Variants in MPC2 observed in about 807,000 individuals in gnomAD.
MPC2 encodes brain protein 44.
In MPC2, 19 loss-of-function variants were observed where a neutral mutation model predicts 19.2. The ratio of observed to expected loss-of-function variants is 0.99; its 90% CI spans 0.69 to 1.45. The LOEUF (loss-of-function observed/expected upper bound fraction) is 1.45. MPC2 is among the 40% of genes most tolerant of loss of function. The pLI is 0.00. For synonymous variants in MPC2, 61 were observed against 54.3 expected, an observed-to-expected ratio of 1.12 and a Z score of -0.54; for missense variants, 122 against 153.0, an observed-to-expected ratio of 0.80 and a Z score of 1.07.
chr1:167,924,879 T>C (rs1412735866), intron 2 of MPC2, among the ~76,000 whole-genome samples: 2 of 152,170 alleles, frequency 1.3e-5, no homozygotes, highest in East Asian at 1.9e-4. Flanking sequence ...TCATCCCAAA[T>C]GAAAATGAAC....
At chr1:167,928,588 T>G (rs1670820291) in intron 2 of MPC2, among the ~76,000 whole-genome samples, 1 of 152,164 alleles carries the variant, frequency 6.6e-6, no homozygotes, top group Non-Finnish European at 1.5e-5. Flanking sequence ...AACATAAAGT[T>G]TTGACAAAAC....
At chr1:167,934,186 AGTAATTACAG>A (rs770666417) in intron 2 of MPC2, among the ~76,000 whole-genome samples, 24 of 152,362 alleles carry the variant, frequency 1.6e-4, no homozygotes, top group Non-Finnish European at 3.1e-4. Context: ...TATTTTAAGC[AGTAATTACAG>A]GTGGCTAAAA....
In MPC2 at chr1:167,920,032, A is replaced by C; in HGVS notation, c.294T>G (p.Ala98=). 6.2e-7 allele frequency: 1 copy of C among 1,613,804 alleles called. No individual in the cohort carries two copies. The highest frequency in any genetic ancestry group is 8.5e-7 in the Non-Finnish European group (1 of 1,179,846). Residue 98 remains alanine, a synonymous_variant, in exon 5 of 6, where the codon GCT becomes GCG. Coordinates refer to ENST00000271373, the MANE Select transcript of MPC2 (RefSeq NM_001143674.4). ...CTGCTGCCCCCACAAAGAAATTAAC[A>C]GCAAACAGACTCCAATTTTTTGGAA... is the stretch of plus-strand genomic sequence containing the variant. ...VIIPKNWSLF[A]VNFFVGAAGA...
At chr1:167,929,809 C>T (rs1276326572) in intron 2 of MPC2, among the ~76,000 whole-genome samples, 1 of 152,180 alleles carries the variant, frequency 6.6e-6, no homozygotes. Context: ...GAGGTATTCA[C>T]TATATCCCTC....
At chr1:167,929,184 C>A (rs1225940606) in intron 2 of MPC2, among the ~76,000 whole-genome samples, 1 of 151,938 alleles carries the variant, frequency 6.6e-6, no homozygotes, top group Admixed American at 6.6e-5. Flanking sequence ...CATGGAGAAA[C>A]CCCATCTCTA....
intron 2 of MPC2, 58 bp downstream of exon 2, chr1:167,935,675 C>A: frequency 2.1e-6 from 3 of 1,426,854 alleles, no homozygotes; most frequent in Non-Finnish European, 2.9e-6. Flanking sequence ...TCTAAAAGGT[C>A]CATTTTAGAG....
chr1:167,936,070 C>T, intron 1 of MPC2, 172 bp from the exon 2 acceptor site: 2 of 572,878 alleles, frequency 3.5e-6, no homozygotes, highest in Non-Finnish European at 3.2e-6. Context: ...CCCCGGTCCG[C>T]CTCCGGCCCC....
intron 2 of MPC2, among the ~76,000 whole-genome samples, chr1:167,929,709 G>T (rs575516154): frequency 6.6e-6 from 1 of 152,122 alleles, no homozygotes; most frequent in African/African-American, 2.4e-5. Flanking sequence ...TCGTATATAT[G>T]ATTCCCTCCC....
chr1:167,924,759 G>A (rs1557853592), intron 2 of MPC2, among the ~76,000 whole-genome samples: 1 of 152,024 alleles, frequency 6.6e-6, no homozygotes, highest in Non-Finnish European at 1.5e-5. Flanking sequence ...GAACTGATAG[G>A]TTCAACTGTA....
chr1:167,936,896 C>G (rs764416977), intron 1 of MPC2, 43 bp downstream of exon 1: 4 of 1,583,282 alleles, frequency 2.5e-6, no homozygotes, highest in Non-Finnish European at 3.4e-6. Flanking sequence ...CCCTCCCACC[C>G]GGCTCAGGCA....
At chr1:167,925,442 C>CGTATATAT (rs1553200802) in intron 2 of MPC2, among the ~76,000 whole-genome samples, 222 of 82,332 alleles carry the variant, frequency 2.7e-3, no homozygotes, top group Admixed American at 4.1e-3. Context: ...TACATATACA[C>CGTATATAT]ATATATATAT....
intron 1 of MPC2, chr1:167,936,682 T>C (rs1322821493): frequency 4.1e-6 from 2 of 491,088 alleles, no homozygotes; most frequent in Admixed American, 7.8e-5. Context: ...TGCTGATCTT[T>C]GGATGTTCTG....
rs1670471555 is a variant in MPC2 at position 167,917,127 on chromosome 1, T to C, written c.*1196A>G. On this transcript the variant is annotated 3_prime_UTR_variant, in exon 6 of 6. Transcript: ENST00000271373. ...ATGAGGACTGGCTTTATTAGCACTT[T>C]TAGAAAAAAAGCTCTGCACTCCACA... The C allele has an allele frequency of 6.6e-6, 1 of 152,180 alleles. No individual in the cohort carries two copies. Among genetic ancestry groups the C allele is most frequent in the African/African-American group, 2.4e-5 (1 of 41,446 alleles). The allele number at this position is 152,180 out of a possible 1,614,324, so 9.4% of individuals were successfully genotyped here. A position where few individuals can be genotyped will look rare whatever the true frequency, so the allele number is the denominator to read the frequency against.
chr1:167,922,842 T>G (rs574137939), intron 3 of MPC2, among the ~76,000 whole-genome samples: 85 of 152,196 alleles, frequency 5.6e-4, no homozygotes, highest in Non-Finnish European at 1.0e-3. Context: ...AGCCCATCAC[T>G]CAACAACAAC....
chr1:167,921,625 C>T (rs1670603725), intron 3 of MPC2, among the ~76,000 whole-genome samples: 2 of 152,042 alleles, frequency 1.3e-5, no homozygotes, highest in Admixed American at 1.3e-4. Context: ...TTGCTCCCAC[C>T]AGATGAGCTG....
intron 1 of MPC2, chr1:167,936,237 CCTT>C (rs1474697339): frequency 4.2e-6 from 1 of 239,154 alleles, no homozygotes; most frequent in Non-Finnish European, 8.3e-6. Flanking sequence ...GAAACCTCCT[CCTT>C]CTCCCCATGC....
Position 167,936,919 on chromosome 1 carries a change from G to T in MPC2, c.-58+20C>A. ...CCCGGCTCAGGCAGAGCCATGTCTCGGGGTGGCTCCTACCCACACCTGTTG... is the reference window on the plus strand; with the variant it reads ...CCCGGCTCAGGCAGAGCCATGTCTCTGGGTGGCTCCTACCCACACCTGTTG... On this transcript the variant is annotated intron_variant, in intron 1 of 5. Transcript: ENST00000271373. The T allele has an allele frequency of 6.2e-7, 1 of 1,604,286 alleles. No homozygotes were observed. The highest frequency in any genetic ancestry group is 1.1e-5 in the South Asian group (1 of 89,142).
At chr1:167,935,642 C>T (rs1671110438) in intron 2 of MPC2, 91 bp downstream of exon 2, 1 of 1,071,992 alleles carries the variant, frequency 9.3e-7, no homozygotes. Context: ...GTGGATGCCT[C>T]TAGAGGCAGT....
At chr1:167,936,319 G>A (rs775521083) in intron 1 of MPC2, 2 of 188,504 alleles carry the variant, frequency 1.1e-5, no homozygotes, top group Non-Finnish European at 2.2e-5. Flanking sequence ...CTTTGATTAA[G>A]CAGGCCCGTA....
Sources: gnomAD v4.1 joint callset for allele counts (sites outside exome capture counted in the v4.1 genomes callset) on GRCh38, gnomAD v4.1.1 for gene constraint, MANE v1.5 for transcripts, NCBI Gene and HGNC (gene_info 2026-07-23, HGNC 2026-07-21) for gene names.